TM9SF3: variants seen among roughly 807,000 people sequenced by gnomAD.
TM9SF3 encodes transmembrane 9 superfamily member 3.
In TM9SF3, 14 loss-of-function variants were observed where a neutral mutation model predicts 78.6. The ratio of observed to expected loss-of-function variants is 0.18; its 90% confidence interval spans 0.12 to 0.28. The LOEUF (loss-of-function observed/expected upper bound fraction) is 0.28, where lower values mean the gene tolerates loss of function less well. TM9SF3 is among the 10% of genes least tolerant of loss of function. The probability of loss-of-function intolerance (pLI) is 1.00; values close to 1 mark genes in which losing one functional copy is unlikely to be tolerated. For missense variants in TM9SF3, 496 were observed against 721.9 expected, an observed-to-expected ratio of 0.69 and a Z score of 3.59; for synonymous variants, 231 against 241.7, an observed-to-expected ratio of 0.96 and a Z score of 0.41.
chr10:96,525,859 T>C (rs1016095079), intron 14 of TM9SF3, among the ~76,000 whole-genome samples: 7 of 152,092 alleles, frequency 4.6e-5, no homozygotes, highest in Non-Finnish European at 1.0e-4. Context: ...AGTGAGTTAC[T>C]TGTATGAGTT....
chr10:96,543,120 A>G (rs1213704440), intron 9 of TM9SF3, among the ~76,000 whole-genome samples: 2 of 152,254 alleles, frequency 1.3e-5, no homozygotes, highest in South Asian at 4.1e-4. Flanking sequence ...GCACAAGCGT[A>G]CATTAAGCCT....
At chr10:96,570,393 G>A (rs564778552) in intron 2 of TM9SF3, among the ~76,000 whole-genome samples, 73 of 152,214 alleles carry the variant, frequency 4.8e-4, no homozygotes, top group Non-Finnish European at 7.4e-4. Flanking sequence ...ACTAAATTGT[G>A]TATTTGAACT....
At chr10:96,567,139 C>CA (rs1848384605) in intron 2 of TM9SF3, among the ~76,000 whole-genome samples, 1 of 133,418 alleles carries the variant, frequency 7.5e-6, no homozygotes, top group African/African-American at 2.9e-5. Context: ...AGCTGGAGTG[C>CA]AATGGTGAGA....
At chr10:96,558,392 A>G (rs1226008089) in intron 5 of TM9SF3, among the ~76,000 whole-genome samples, 6 of 152,174 alleles carry the variant, frequency 3.9e-5, no homozygotes, top group Admixed American at 6.5e-5. Flanking sequence ...CTGTAATCTC[A>G]GCACTTTGGG....
rs1848341840 is a variant in TM9SF3 at position 96,564,035 on chromosome 10, G to A, written c.421+1269C>T. 4.6e-5 allele frequency among the ~76,000 whole-genome samples: 7 copies of A among 151,356 alleles called. No homozygotes were observed. The South Asian group carries it at 1.5e-3, about 32-fold the overall frequency. Reference sequence around the variant, plus strand: ...GATGGCTTATCCCTATATAATCCCAGAAATTTGGGAGGCTGAGGCAAGAGG... The same window carrying A: ...GATGGCTTATCCCTATATAATCCCAAAAATTTGGGAGGCTGAGGCAAGAGG... On this transcript the variant is annotated intron_variant, in intron 3 of 14. Coordinates refer to ENST00000371142, the MANE Select transcript of TM9SF3 (RefSeq NM_020123.4).
intron 1 of TM9SF3, among the ~76,000 whole-genome samples, chr10:96,582,457 A>C (rs7071881): frequency 0.21 from 31,330 of 152,114 alleles, 3,589 homozygotes; most frequent in Admixed American, 0.31. Flanking sequence ...AGTCCTTCGG[A>C]ATCTTAGGAG....
At chr10:96,576,963 T>A in intron 1 of TM9SF3, 134 bp from the exon 2 acceptor site, 1 of 610,924 alleles carries the variant, frequency 1.6e-6, no homozygotes, top group Non-Finnish European at 2.5e-6. Context: ...ACTGGAAGCT[T>A]AATCTGATGA....
rs74151369 is a variant in TM9SF3 at position 96,520,877 on chromosome 10, G to A, written c.*1386C>T. On this transcript the variant is annotated 3_prime_UTR_variant, in exon 15 of 15. Coordinates refer to ENST00000371142, the MANE Select transcript of TM9SF3 (RefSeq NM_020123.4). ...ATTTTAAAATACGGGTCCCCTGTATGAGAGTAGCATAGTTTATAGCATACT... is the reference window on the plus strand; with the variant it reads ...ATTTTAAAATACGGGTCCCCTGTATAAGAGTAGCATAGTTTATAGCATACT... 0.01 allele frequency: 4,076 copies of A among 397,026 alleles called. 110 individuals carry two copies. The highest frequency in any genetic ancestry group is 0.068 in the African/African-American group (3,315 of 48,646). The allele number at this position is 397,026 out of a possible 1,614,324, so 24.6% of individuals were successfully genotyped here.
chr10:96,545,745 C>T (rs778826298), intron 8 of TM9SF3, among the ~76,000 whole-genome samples: 1 of 152,046 alleles, frequency 6.6e-6, no homozygotes, highest in African/African-American at 2.4e-5. Context: ...AAAAATTAGC[C>T]GGGCATGGTG....
rs1589457970 is a variant in TM9SF3, at chr10:96,562,085, T to C, written c.475A>G (p.Lys159Glu). 2.5e-6 allele frequency: 4 copies of C among 1,613,450 alleles called. No individual in the cohort carries two copies. Among genetic ancestry groups the C allele is most frequent in the Non-Finnish European group, 3.4e-6 (4 of 1,179,622 alleles). Residue 159 changes from lysine to glutamate, a missense_variant, in exon 4 of 15, where the codon AAA (lysine) becomes GAA (glutamate). Coordinates refer to ENST00000371142, the MANE Select transcript of TM9SF3 (RefSeq NM_020123.4). ...NGEDYYLWTYKKLEIGFNGNR... is the reference protein window; with the variant it reads ...NGEDYYLWTYEKLEIGFNGNR... ...CCATTAAAACCTATTTCAAGTTTTT[T>C]ATAGGTCCAAAGATAGTAATCTTCT...
chr10:96,546,888 T>C (rs1848106888), intron 8 of TM9SF3, among the ~76,000 whole-genome samples: 2 of 152,212 alleles, frequency 1.3e-5, no homozygotes, highest in South Asian at 4.1e-4. Flanking sequence ...CTTGGAAATA[T>C]AATTTTAAGG....
chr10:96,564,112 G>A (rs566516646), intron 3 of TM9SF3, among the ~76,000 whole-genome samples: 1 of 147,142 alleles, frequency 6.8e-6, no homozygotes, highest in South Asian at 2.1e-4. Flanking sequence ...AAGACATCTT[G>A]TCTCTACAAA....
intron 2 of TM9SF3, among the ~76,000 whole-genome samples, chr10:96,574,937 A>G (rs1346221836): frequency 6.6e-6 from 1 of 152,126 alleles, no homozygotes; most frequent in Non-Finnish European, 1.5e-5. Flanking sequence ...GTGGGGGGCT[A>G]GGGAAGGGAT....
chr10:96,534,640 T>C (rs1325715476), intron 9 of TM9SF3, among the ~76,000 whole-genome samples: 1 of 152,188 alleles, frequency 6.6e-6, no homozygotes, highest in Non-Finnish European at 1.5e-5. Flanking sequence ...AATTACATGG[T>C]CTAGAAGAAT....
At chr10:96,580,838 G>T (rs755710732) in intron 1 of TM9SF3, among the ~76,000 whole-genome samples, 6 of 151,926 alleles carry the variant, frequency 3.9e-5, no homozygotes, top group Non-Finnish European at 7.4e-5. Flanking sequence ...CTATAAAATA[G>T]GTCCTATTAC....
chr10:96,522,135 A>C lies in TM9SF3; in HGVS notation c.*128T>G. On this transcript the variant is annotated 3_prime_UTR_variant, in exon 15 of 15. Coordinates refer to ENST00000371142, the MANE Select transcript of TM9SF3 (RefSeq NM_020123.4). ...AGATGTTACTTTAAGCCACCGACGA[A>C]AGAGAGACCCACAAAGTACCCAGTG... 1.3e-6 allele frequency: 1 copy of C among 744,646 alleles called. No individual in the cohort carries two copies. The highest frequency in any genetic ancestry group is 2.3e-6 in the Non-Finnish European group (1 of 443,424). The allele number at this position is 744,646 out of a possible 1,614,324, so 46.1% of individuals were successfully genotyped here. A position where few individuals can be genotyped will look rare whatever the true frequency, so the allele number is the denominator to read the frequency against.
intron 11 of TM9SF3, among the ~76,000 whole-genome samples, chr10:96,529,714 T>C (rs1669981733): frequency 6.6e-6 from 1 of 152,002 alleles, no homozygotes; most frequent in African/African-American, 2.4e-5. Flanking sequence ...TCTTTTAAAA[T>C]AATTATCTTA....
chr10:96,532,976 G>A (rs1299393973), intron 10 of TM9SF3, 75 bp downstream of exon 10: 10 of 1,527,738 alleles, frequency 6.5e-6, no homozygotes, highest in South Asian at 4.9e-5. Flanking sequence ...CAATTCTAAA[G>A]TTACATGTAC....
intron 9 of TM9SF3, among the ~76,000 whole-genome samples, chr10:96,543,245 T>C (rs1318095078): frequency 2.6e-5 from 4 of 152,224 alleles, no homozygotes; most frequent in African/African-American, 9.6e-5. Flanking sequence ...ATTTAAATAA[T>C]TCAAAGCATT....
Sources: allele counts gnomAD v4.1 joint callset (sites outside exome capture counted in the v4.1 genomes callset), GRCh38; gene constraint gnomAD v4.1.1; transcripts MANE v1.5; gene names NCBI Gene and HGNC (gene_info 2026-07-23, HGNC 2026-07-21).